Variants in WHRN observed in about 807,000 individuals in gnomAD.
The protein encoded by WHRN is CASK-interacting protein CIP98.
WHRN carries 41 observed loss-of-function variants against 68.3 expected under a neutral mutation model. The observed-to-expected ratio is 0.60, with a 90% CI of 0.47 to 0.78. The LOEUF is 0.78. WHRN is among the 30% of genes least tolerant of loss of function. The pLI is 0.00. For missense variants in WHRN, 1,243 were observed against 1,244.7 expected, an observed-to-expected ratio of 1.00 and a Z score of 0.02; for synonymous variants, 560 against 561.3, an observed-to-expected ratio of 1.00 and a Z score of 0.03.
intron 2 of WHRN, 133 bp downstream of exon 2, chr9:114,478,420 T>A (rs773134576): frequency 2.0e-6 from 2 of 987,810 alleles, no homozygotes; most frequent in Middle Eastern, 2.0e-4. Flanking sequence ...CACCCTTCAG[T>A]ACAGACTTGA....
At chr9:114,483,516 C>T (rs1279342883) in intron 1 of WHRN, among the ~76,000 whole-genome samples, 1 of 152,220 alleles carries the variant, frequency 6.6e-6, no homozygotes, top group African/African-American at 2.4e-5. Flanking sequence ...CAAACTCACC[C>T]ACCATTGCTA....
intron 3 of WHRN, among the ~76,000 whole-genome samples, chr9:114,446,163 T>C (rs912710884): frequency 6.6e-6 from 1 of 152,184 alleles, no homozygotes; most frequent in Non-Finnish European, 1.5e-5. Context: ...GATATCACCA[T>C]ACAACAGAAT....
intron 6 of WHRN, 131 bp from the exon 7 acceptor site, chr9:114,423,654 G>C (rs1456884493): frequency 3.5e-6 from 3 of 866,720 alleles, no homozygotes; most frequent in Non-Finnish European, 5.2e-6. Context: ...TGGCTCCCCA[G>C]TGCTCTCAAG....
chr9:114,422,624 A>T (rs1191245982), intron 7 of WHRN, among the ~76,000 whole-genome samples: 2 of 152,126 alleles, frequency 1.3e-5, no homozygotes, highest in Non-Finnish European at 2.9e-5. Flanking sequence ...TCCTGATGTC[A>T]GGAGTTCGAG....
intron 1 of WHRN, among the ~76,000 whole-genome samples, chr9:114,479,581 T>C (rs1205825624): frequency 6.6e-6 from 1 of 152,180 alleles, no homozygotes; most frequent in African/African-American, 2.4e-5. Context: ...ATAAAAACAA[T>C]GATAGCAATC....
At chr9:114,447,807 G>A (rs2132666911) in intron 3 of WHRN, among the ~76,000 whole-genome samples, 1 of 151,968 alleles carries the variant, frequency 6.6e-6, no homozygotes, top group South Asian at 2.1e-4. Context: ...CCAGCCTTCA[G>A]AACTGTGAGC....
chr9:114,411,206 C>G (rs554993902), intron 7 of WHRN, among the ~76,000 whole-genome samples: 3 of 152,206 alleles, frequency 2.0e-5, no homozygotes, highest in Admixed American at 1.3e-4. Context: ...TCTCACACCA[C>G]CTCCCTCCTC....
Position 114,504,545 on chromosome 9 carries a change from A to G in WHRN, c.257T>C (p.Val86Ala), listed in dbSNP as rs762156237. ...RTLRVLLDSP[V>A]KRRLLPMLRL... ...AAGCATGGGCAGCAGGCGCCGCTTG[A>G]CCGGACTGTCCAGCAGCACGCGCAG... is the stretch of plus-strand genomic sequence containing the variant. The change falls in exon 1 of 12, where the codon GTC (valine) becomes GCC (alanine). Residue 86 changes from valine (V) to alanine (A), a missense_variant. Coordinates refer to ENST00000362057, the MANE Select transcript of WHRN (RefSeq NM_015404.4). 36 of 1,610,826 alleles carry G rather than the reference A, an allele frequency of 2.2e-5. No individual in the cohort carries two copies. The South Asian group carries it at 3.5e-4, about 16-fold the overall frequency.
intron 3 of WHRN, among the ~76,000 whole-genome samples, chr9:114,438,693 C>T (rs181519628): frequency 2.6e-5 from 4 of 152,100 alleles, no homozygotes; most frequent in Non-Finnish European, 4.4e-5. Flanking sequence ...CCTCATGATC[C>T]GCCCGCCTTG....
At chr9:114,405,054 C>A (rs1834922735) in intron 9 of WHRN, among the ~76,000 whole-genome samples, 1 of 141,406 alleles carries the variant, frequency 7.1e-6, no homozygotes, top group South Asian at 2.3e-4. Context: ...GAAATTACTA[C>A]TTTCTCTCTC....
rs368241259 is a variant in WHRN, at chr9:114,424,528, G to T, written c.1222C>A (p.Pro408Thr). ...CTCAGGGTCACCTGGGAGCCGGCTG[G>T]GCCCTTGTAAAATCCTGGCTGCAAG... ...GINKPGFYKG[P>T]AGSQVTLSSL... The change falls in exon 6 of 12, where the codon CCA (proline) becomes ACA (threonine). Residue 408 changes from proline (P) to threonine (T), a missense_variant. Transcript: ENST00000362057. 195 of 1,612,814 alleles carry T rather than the reference G, an allele frequency of 1.2e-4. No homozygotes were observed. Among genetic ancestry groups the T allele is most frequent in the Non-Finnish European group, 1.5e-4 (178 of 1,179,536 alleles).
At position 114,406,404 on chromosome 9, in the gene WHRN, G is replaced by A. The variant is rs376770482; in HGVS notation, c.2187C>T (p.Pro729=). 5.0e-6 allele frequency: 8 copies of A among 1,614,154 alleles called. No individual in the cohort carries two copies. The highest frequency in any genetic ancestry group is 3.3e-5 in the Admixed American group (2 of 60,012). Residue 729 remains proline (P), a synonymous_variant, in exon 9 of 12, where the codon CCC becomes CCT. Transcript: ENST00000362057. The part of the protein sequence containing the change: ...QHFVMVEVHR[P]DSEPDVNEVR... ...CTTCATTGACGTCTGGCTCGCTGTC[G>A]GGGCGGTGGACCTCCACCATGACAA...
Position 114,406,434 on chromosome 9 carries a change from C to T in WHRN, c.2157G>A (p.Gln719=). 6.2e-7 allele frequency: 1 copy of T among 1,614,168 alleles called. No individual in the cohort carries two copies. The highest frequency in any genetic ancestry group is 8.5e-7 in the Non-Finnish European group (1 of 1,180,044). ...SGHPDQTGTN[Q]HFVMVEVHRP... The stretch of plus-strand genomic sequence containing the variant: ...GGTGGACCTCCACCATGACAAAGTG[C>T]TGGTTTGTGCCTGTCTGGTCTGGGT... The change falls in exon 9 of 12, where the codon CAG becomes CAA. Residue 719 remains glutamine, a synonymous_variant. Coordinates refer to ENST00000362057, the MANE Select transcript of WHRN (RefSeq NM_015404.4).
chr9:114,424,135 C>G (rs1836576145), intron 6 of WHRN, among the ~76,000 whole-genome samples, 199 bp downstream of exon 6: 1 of 152,208 alleles, frequency 6.6e-6, no homozygotes. Flanking sequence ...GGGACCCAAT[C>G]ACAGGGCGCT....
At chr9:114,449,091 G>T (rs1839086246) in intron 3 of WHRN, among the ~76,000 whole-genome samples, 1 of 152,158 alleles carries the variant, frequency 6.6e-6, no homozygotes, top group South Asian at 2.1e-4. Flanking sequence ...AGCAGAGGCT[G>T]AAGAAATGCT....
chr9:114,432,552 A>C (rs1048251797), intron 3 of WHRN, among the ~76,000 whole-genome samples: 1 of 152,204 alleles, frequency 6.6e-6, no homozygotes, highest in Non-Finnish European at 1.5e-5. Context: ...TCTCTGACTA[A>C]TTCTACACTC....
At chr9:114,453,824 G>A (rs763621939) in intron 3 of WHRN, among the ~76,000 whole-genome samples, 1 of 152,128 alleles carries the variant, frequency 6.6e-6, no homozygotes, top group Non-Finnish European at 1.5e-5. Context: ...ATTTTGTGAA[G>A]CCAGCATTAT....
chr9:114,454,031 C>T (rs552860434), intron 3 of WHRN, among the ~76,000 whole-genome samples: 1 of 152,190 alleles, frequency 6.6e-6, no homozygotes, highest in Non-Finnish European at 1.5e-5. Flanking sequence ...ATGTAATTAA[C>T]AGATTAAAAG....
At chr9:114,426,173 C>T (rs1335754855) in intron 4 of WHRN, 38 bp downstream of exon 4, 1 of 1,611,228 alleles carries the variant, frequency 6.2e-7, no homozygotes, top group East Asian at 2.2e-5. Context: ...AGAAATGGCC[C>T]TGGGGTCTGG....
Sources: allele counts gnomAD v4.1 joint callset (sites outside exome capture counted in the v4.1 genomes callset), GRCh38; gene constraint gnomAD v4.1.1; transcripts MANE v1.5; gene names NCBI Gene and HGNC (gene_info 2026-07-23, HGNC 2026-07-21).